Variants in FSD2 observed in about 807,000 individuals in gnomAD.
FSD2 encodes fibronectin type III and SPRY domain-containing protein 2.
Under a neutral mutation model 80.4 loss-of-function variants are expected in FSD2, and 71 were observed. The ratio of observed to expected loss-of-function variants is 0.88; its 90% confidence interval spans 0.73 to 1.08. FSD2 has a LOEUF of 1.08. Among genes scored for constraint, FSD2 ranks in the 50% least tolerant of loss-of-function variants. The pLI, the probability that FSD2 is intolerant of heterozygous loss-of-function variation, is 0.00. For synonymous variants in FSD2, 361 were observed against 329.5 expected, an observed-to-expected ratio of 1.10 and a Z score of -1.03; for missense variants, 923 against 913.8, an observed-to-expected ratio of 1.01 and a Z score of -0.13.
At chr15:82,783,402 T>G (rs2049919262) in intron 3 of FSD2, among the ~76,000 whole-genome samples, 1 of 152,194 alleles carries the variant, frequency 6.6e-6, no homozygotes, top group Admixed American at 6.6e-5. Flanking sequence ...CCCAGCCTGA[T>G]TAGAGTCATT....
At chr15:82,791,251 G>A (rs936232407) in intron 1 of FSD2, among the ~76,000 whole-genome samples, 2 of 152,154 alleles carry the variant, frequency 1.3e-5, no homozygotes, top group African/African-American at 4.8e-5. Flanking sequence ...GCCCGTCTCG[G>A]CCTCCCAAAG....
chr15:82,799,179 C>A (rs1434324770), intron 1 of FSD2, among the ~76,000 whole-genome samples: 1 of 152,092 alleles, frequency 6.6e-6, no homozygotes, highest in Non-Finnish European at 1.5e-5. Flanking sequence ...CCTGGCCTAT[C>A]TCCACTTTTG....
chr15:82,784,259 T>A (rs960028187), intron 3 of FSD2, among the ~76,000 whole-genome samples: 1 of 141,078 alleles, frequency 7.1e-6, no homozygotes, highest in African/African-American at 2.6e-5. Context: ...TATTTTATTT[T>A]TTTTTTATGG....
intron 1 of FSD2, among the ~76,000 whole-genome samples, chr15:82,793,864 T>G (rs924651959): frequency 6.6e-6 from 1 of 152,104 alleles, no homozygotes; most frequent in South Asian, 2.1e-4. Flanking sequence ...CTGATTCTAG[T>G]CATTTGAGTT....
Position 82,757,722 on chromosome 15 carries a change from G to A in FSD2, c.*1626C>T, listed in dbSNP as rs1020100563. Reference sequence around the variant, plus strand: ...CTTACATCTGCTGTCCCTTGTTTCAGAGTAGACAGTCCAGCTTGGCAGGAT... The same window carrying A: ...CTTACATCTGCTGTCCCTTGTTTCAAAGTAGACAGTCCAGCTTGGCAGGAT... On this transcript the variant is annotated 3_prime_UTR_variant, in exon 13 of 13. Transcript: ENST00000334574. 6.6e-6 allele frequency: 1 copy of A among 152,206 alleles called. No homozygotes were observed. Among genetic ancestry groups the A allele is most frequent in the African/African-American group, 2.4e-5 (1 of 41,434 alleles). The allele number at this position is 152,206 out of a possible 1,614,324, so 9.4% of individuals were successfully genotyped here.
intron 12 of FSD2, among the ~76,000 whole-genome samples, chr15:82,761,525 A>G (rs990940512): frequency 1.3e-5 from 2 of 152,196 alleles, no homozygotes; most frequent in Non-Finnish European, 2.9e-5. Flanking sequence ...ACAGAAATGA[A>G]AAATCTATCA....
At chr15:82,782,290 C>T (rs1324232349) in intron 4 of FSD2, among the ~76,000 whole-genome samples, 2 of 151,250 alleles carry the variant, frequency 1.3e-5, no homozygotes, top group Non-Finnish European at 2.9e-5. Context: ...GTCCCAGCTA[C>T]TAGGGAGGCT....
rs999833656 is a variant in FSD2 at position 82,758,294 on chromosome 15, C to T, written c.*1054G>A. On this transcript the variant is annotated 3_prime_UTR_variant, in exon 13 of 13. Coordinates refer to ENST00000334574, the MANE Select transcript of FSD2 (RefSeq NM_001007122.4). ...TGCTGTGTGTGCAGAGCTTAAGTGG[C>T]AACTGGAAACTTGAACAGGAGAACC... 11 of 152,174 alleles carry T rather than the reference C, an allele frequency of 7.2e-5. No homozygotes were observed. The highest frequency in any genetic ancestry group is 2.4e-4 in the African/African-American group (10 of 41,416). The allele number at this position is 152,174 out of a possible 1,614,324, so 9.4% of individuals were successfully genotyped here. A position where few individuals can be genotyped will look rare whatever the true frequency, so the allele number is the denominator to read the frequency against.
chr15:82,765,076 C>T (rs1179337066), intron 11 of FSD2, 90 bp downstream of exon 11: 3 of 1,408,952 alleles, frequency 2.1e-6, no homozygotes, highest in Non-Finnish European at 2.8e-6. Flanking sequence ...TCCCTCGAGG[C>T]TGCCTCCGTG....
At chr15:82,803,152 TCTC>T (rs2050452871) in intron 1 of FSD2, among the ~76,000 whole-genome samples, 1 of 151,948 alleles carries the variant, frequency 6.6e-6, no homozygotes, top group Non-Finnish European at 1.5e-5. Context: ...CCAGAGTACT[TCTC>T]CTTCCTAAAG....
At chr15:82,781,627 T>C (rs943842991) in intron 4 of FSD2, among the ~76,000 whole-genome samples, 1 of 151,896 alleles carries the variant, frequency 6.6e-6, no homozygotes, top group African/African-American at 2.4e-5. Flanking sequence ...AGGAAATGGA[T>C]TTTTTTTGCA....
chr15:82,800,463 G>A (rs1212409466), intron 1 of FSD2, among the ~76,000 whole-genome samples: 2 of 150,586 alleles, frequency 1.3e-5, no homozygotes, highest in Non-Finnish European at 3.0e-5. Flanking sequence ...AGGCTGAGGT[G>A]GGCAGATCAC....
At chr15:82,805,068 T>TA (rs1465932903) in intron 1 of FSD2, among the ~76,000 whole-genome samples, 2 of 151,096 alleles carry the variant, frequency 1.3e-5, no homozygotes, top group African/African-American at 4.9e-5. Flanking sequence ...TTAAAAAAAA[T>TA]AAAAAAGATG....
chr15:82,782,631 C>T (rs528474064), intron 4 of FSD2, among the ~76,000 whole-genome samples, 164 bp downstream of exon 4: 124 of 152,308 alleles, frequency 8.1e-4, no homozygotes, highest in Middle Eastern at 3.4e-3. Flanking sequence ...CTCCCCATCA[C>T]GATCATCCAG....
intron 1 of FSD2, among the ~76,000 whole-genome samples, chr15:82,791,522 C>T (rs1434161030): frequency 2.0e-5 from 3 of 152,028 alleles, no homozygotes; most frequent in Non-Finnish European, 4.4e-5. Context: ...AGGCACTTGC[C>T]GCCATGCCTG....
At chr15:82,791,011 T>G (rs1237810050) in intron 1 of FSD2, among the ~76,000 whole-genome samples, 2 of 151,826 alleles carry the variant, frequency 1.3e-5, no homozygotes, top group Admixed American at 6.6e-5. Context: ...TGTTGTTGCT[T>G]TTTTTGAGGC....
At chr15:82,769,574 A>AG (rs2049510719) in intron 8 of FSD2, among the ~76,000 whole-genome samples, 176 bp downstream of exon 8, 1 of 152,072 alleles carries the variant, frequency 6.6e-6, no homozygotes, top group South Asian at 2.1e-4. Flanking sequence ...TCAAAAAAAA[A>AG]AAATGTCACT....
At chr15:82,765,393 C>G (rs2049392197) in intron 10 of FSD2, 95 bp from the exon 11 acceptor site, 3 of 1,529,818 alleles carry the variant, frequency 2.0e-6, no homozygotes, top group South Asian at 1.2e-5. Context: ...TGGGATACAC[C>G]TAAGCCTGGA....
At chr15:82,787,572 G>A (rs931141499) in intron 1 of FSD2, 104 bp from the exon 2 acceptor site, 4 of 529,400 alleles carry the variant, frequency 7.6e-6, no homozygotes, top group Non-Finnish European at 1.3e-5. Flanking sequence ...AAAATTATCT[G>A]TGTAGTTCAG....
Sources: allele counts gnomAD v4.1 joint callset (sites outside exome capture counted in the v4.1 genomes callset), GRCh38; gene constraint gnomAD v4.1.1; transcripts MANE v1.5; gene names NCBI Gene and HGNC (gene_info 2026-07-23, HGNC 2026-07-21).